Variants in TSNARE1 observed in about 807,000 individuals in gnomAD.
TSNARE1 encodes t-SNARE domain-containing protein 1.
A neutral mutation model predicts 62.0 loss-of-function variants in TSNARE1; 49 were observed. That is an observed-to-expected ratio of 0.79 (90% CI 0.63 to 1.00). TSNARE1 has a LOEUF of 1.00. Ranked by LOEUF, TSNARE1 falls within the 50% of genes least tolerant of loss-of-function variation. The probability of loss-of-function intolerance (pLI) is 0.00; values close to 1 mark genes in which losing one functional copy is unlikely to be tolerated. For missense variants in TSNARE1, 755 were observed against 700.1 expected (o/e 1.08, Z -0.88); for synonymous variants, 328 against 294.4 (o/e 1.11, Z -1.17).
chr8:142,344,371 C>A lies in TSNARE1; in HGVS notation c.340G>T (p.Ala114Ser). Residue 114 changes from alanine (A) to serine (S), a missense_variant, in exon 4 of 14, where the codon GCG becomes TCG. Coordinates refer to ENST00000524325, the MANE Select transcript of TSNARE1 (RefSeq NM_145003.5). ...TTGGCCCGGGTAGTGCTGGGCCCCG[C>A]CATCCGGCCATGGGGCCCAGCAGCC... ...DSAAGPHGRM[A>S]GPSTTRAKKR... The A allele has an allele frequency of 6.4e-7, 1 of 1,570,762 alleles. No homozygotes were observed. Among genetic ancestry groups the A allele is most frequent in the Middle Eastern group, 1.7e-4 (1 of 5,858 alleles).
At chr8:142,238,634 G>A (rs909652605) in intron 12 of TSNARE1, among the ~76,000 whole-genome samples, 4 of 151,606 alleles carry the variant, frequency 2.6e-5, no homozygotes, top group African/African-American at 7.3e-5. Context: ...CATGCTCAAG[G>A]CTCCAAGCCA....
chr8:142,282,705 T>C (rs1438934410), intron 11 of TSNARE1, among the ~76,000 whole-genome samples: 1 of 148,310 alleles, frequency 6.7e-6, no homozygotes, highest in African/African-American at 2.6e-5. Flanking sequence ...GCGGGGCCAG[T>C]GTCTGTCAAT....
intron 4 of TSNARE1, 105 bp from the exon 5 acceptor site, chr8:142,331,936 G>T: frequency 8.7e-7 from 1 of 1,150,016 alleles, no homozygotes; most frequent in Non-Finnish European, 1.3e-6. Flanking sequence ...GGACCCGACA[G>T]GCAGCAGAGT....
chr8:142,226,213 C>G (rs1463412511), intron 13 of TSNARE1, among the ~76,000 whole-genome samples: 2 of 152,196 alleles, frequency 1.3e-5, no homozygotes, highest in African/African-American at 4.8e-5. Flanking sequence ...GCCACAGTAA[C>G]TATTACTATT....
At chr8:142,328,510 TTC>T (rs1417129475) in intron 6 of TSNARE1, among the ~76,000 whole-genome samples, 3 of 152,246 alleles carry the variant, frequency 2.0e-5, no homozygotes, top group African/African-American at 7.2e-5. Context: ...CCTTTCTTTG[TTC>T]AATTGTGCTC....
chr8:142,333,376 C>A (rs537427964), intron 4 of TSNARE1, among the ~76,000 whole-genome samples: 1 of 152,322 alleles, frequency 6.6e-6, no homozygotes, highest in East Asian at 1.9e-4. Flanking sequence ...ACGTGGGTGT[C>A]GGTGCAGTTC....
At chr8:142,358,795 G>A (rs898905115) in intron 1 of TSNARE1, among the ~76,000 whole-genome samples, 3 of 152,026 alleles carry the variant, frequency 2.0e-5, no homozygotes, top group Middle Eastern at 3.2e-3. Context: ...CCCATCGCTG[G>A]GAGACCACAA....
intron 7 of TSNARE1, among the ~76,000 whole-genome samples, chr8:142,316,949 G>C (rs1828608618): frequency 6.6e-6 from 1 of 151,930 alleles, no homozygotes; most frequent in South Asian, 2.1e-4. Context: ...GGCCGAACTT[G>C]CAACCCCAGC....
chr8:142,280,168 G>A (rs1335417725), intron 11 of TSNARE1: 18 of 985,320 alleles, frequency 1.8e-5, no homozygotes, highest in Non-Finnish European at 2.2e-5. Flanking sequence ...CAGCACCTCC[G>A]TCTCCTGGGG....
chr8:142,349,950 G>T (rs969395108), intron 2 of TSNARE1, among the ~76,000 whole-genome samples: 5 of 150,340 alleles, frequency 3.3e-5, no homozygotes, highest in African/African-American at 4.9e-5. Flanking sequence ...AGACTAGCAG[G>T]GCTGGGACCA....
At chr8:142,298,033 C>T (rs1313572232) in intron 10 of TSNARE1, among the ~76,000 whole-genome samples, 2 of 152,236 alleles carry the variant, frequency 1.3e-5, no homozygotes, top group Non-Finnish European at 2.9e-5. Context: ...CTGCACCACT[C>T]CCAGCCCCCC....
intron 11 of TSNARE1, among the ~76,000 whole-genome samples, chr8:142,279,662 G>A (rs1340385534): frequency 6.6e-6 from 1 of 152,070 alleles, no homozygotes; most frequent in Non-Finnish European, 1.5e-5. Flanking sequence ...AACCCTCCCT[G>A]GCCCCGACCC....
intron 12 of TSNARE1, among the ~76,000 whole-genome samples, chr8:142,258,072 A>G (rs796500883): frequency 3.9e-5 from 6 of 152,192 alleles, no homozygotes; most frequent in African/African-American, 1.4e-4. Flanking sequence ...CACAAAACCT[A>G]TGCTCATGCA....
intron 1 of TSNARE1, among the ~76,000 whole-genome samples, chr8:142,387,957 G>C (rs1452950016): frequency 1.3e-5 from 2 of 152,004 alleles, no homozygotes; most frequent in African/African-American, 4.8e-5. Context: ...ACATACAAAA[G>C]AAAACTACAG....
At chr8:142,316,231 G>A (rs1280674726) in intron 7 of TSNARE1, among the ~76,000 whole-genome samples, 4 of 151,802 alleles carry the variant, frequency 2.6e-5, no homozygotes, top group African/African-American at 9.7e-5. Context: ...CGTCGATGCT[G>A]GTCATGACGC....
At chr8:142,405,923 C>G (rs1838577717), upstream of TSNARE1, 1 of 152,420 alleles carries the variant, frequency 6.6e-6, no homozygotes, top group South Asian at 2.1e-4. Flanking sequence ...TCCTTTGTCC[C>G]TTAGCAACAG....
intron 1 of TSNARE1, among the ~76,000 whole-genome samples, chr8:142,360,621 G>A (rs1835083642): frequency 6.6e-6 from 1 of 152,014 alleles, no homozygotes; most frequent in African/African-American, 2.4e-5. Flanking sequence ...CCTCCCCAGG[G>A]CCCCCGCCCC....
chr8:142,294,762 G>A (rs758904053), intron 10 of TSNARE1, among the ~76,000 whole-genome samples: 38 of 152,362 alleles, frequency 2.5e-4, no homozygotes, highest in Non-Finnish European at 4.3e-4. Context: ...CTGCTGCAGG[G>A]ACGGGCAGTG....
intron 2 of TSNARE1, among the ~76,000 whole-genome samples, chr8:142,353,507 T>G (rs1834374985): frequency 6.6e-6 from 1 of 152,120 alleles, no homozygotes; most frequent in African/African-American, 2.4e-5. Context: ...GAGGGGCACT[T>G]GGTGATATCA....
Sources: gnomAD v4.1 joint callset for allele counts (sites outside exome capture counted in the v4.1 genomes callset) on GRCh38, gnomAD v4.1.1 for gene constraint, MANE v1.5 for transcripts, NCBI Gene and HGNC (gene_info 2026-07-23, HGNC 2026-07-21) for gene names.